The following SPIN1 variants were observed in gnomAD, a reference collection of about 807,000 sequenced individuals.
The protein encoded by SPIN1 is spindlin 1, also known as spindlin-1.
Under a neutral mutation model 26.0 loss-of-function variants are expected in SPIN1, and 3 were observed. The observed-to-expected ratio is 0.12, with a 90% CI of 0.05 to 0.30. The LOEUF (loss-of-function observed/expected upper bound fraction) is 0.30. SPIN1 is among the 10% of genes least tolerant of loss of function. SPIN1 has a pLI of 1.00. For synonymous variants in SPIN1, 101 were observed against 116.5 expected (o/e 0.87, Z 0.86); for missense variants, 126 against 333.4 (o/e 0.38, Z 4.84).
chr9:88,437,469 G>C (rs1828027716), intron 2 of SPIN1, among the ~76,000 whole-genome samples: 1 of 151,674 alleles, frequency 6.6e-6, no homozygotes, highest in Non-Finnish European at 1.5e-5. Context: ...CCACACTCCA[G>C]CCTGGGCAAC....
chr9:88,444,717 G>A (rs1587803265), intron 2 of SPIN1, among the ~76,000 whole-genome samples: 1 of 138,696 alleles, frequency 7.2e-6, no homozygotes, highest in East Asian at 2.1e-4. Flanking sequence ...TTGAGATGGA[G>A]TCTTGCTCTG....
At chr9:88,414,209 T>G (rs925915221) in intron 1 of SPIN1, among the ~76,000 whole-genome samples, 27 of 152,178 alleles carry the variant, frequency 1.8e-4, no homozygotes, top group African/African-American at 6.0e-4. Context: ...ATCAGCATGA[T>G]CCATTGAATC....
intron 2 of SPIN1, among the ~76,000 whole-genome samples, chr9:88,427,214 A>G (rs1325195193): frequency 6.6e-6 from 1 of 152,162 alleles, no homozygotes; most frequent in Non-Finnish European, 1.5e-5. Flanking sequence ...GAATGTTGAA[A>G]AAGAACATTT....
intron 2 of SPIN1, among the ~76,000 whole-genome samples, chr9:88,437,523 A>AACAAC (rs113590959): frequency 0.19 from 28,887 of 151,416 alleles, 3,645 homozygotes; most frequent in African/African-American, 0.36. Flanking sequence ...GAAGGAAAGA[A>AACAAC]ACAACAAAAT....
intron 2 of SPIN1, among the ~76,000 whole-genome samples, chr9:88,441,918 C>G (rs1212834174): frequency 6.9e-6 from 1 of 145,118 alleles, no homozygotes; most frequent in Non-Finnish European, 1.5e-5. Flanking sequence ...AATGTTTTTC[C>G]TTTATATAGA....
At chr9:88,402,273 GT>G (rs961332644) in intron 1 of SPIN1, among the ~76,000 whole-genome samples, 1 of 152,138 alleles carries the variant, frequency 6.6e-6, no homozygotes, top group African/African-American at 2.4e-5. Context: ...GATTGCAGGT[GT>G]GAACTACTGC....
intron 1 of SPIN1, among the ~76,000 whole-genome samples, chr9:88,395,221 A>C (rs1476655055): frequency 1.3e-5 from 2 of 151,950 alleles, no homozygotes; most frequent in Admixed American, 1.3e-4. Context: ...CTGTTCCTCC[A>C]CGAATTTCTC....
At chr9:88,450,493 ATGCGTTTTG>A (rs1187651354) in intron 3 of SPIN1, among the ~76,000 whole-genome samples, 1 of 152,170 alleles carries the variant, frequency 6.6e-6, no homozygotes, top group African/African-American at 2.4e-5. Flanking sequence ...TGTTATTATA[ATGCGTTTTG>A]TGCAATAAGA....
chr9:88,440,452 C>G (rs1202337725), intron 2 of SPIN1, among the ~76,000 whole-genome samples: 1 of 151,850 alleles, frequency 6.6e-6, no homozygotes, highest in Non-Finnish European at 1.5e-5. Context: ...AGCCCCGTGC[C>G]CAGCCAGTTA....
intron 1 of SPIN1, chr9:88,389,494 C>T (rs1007875197): frequency 1.2e-4 from 19 of 152,252 alleles, no homozygotes; most frequent in East Asian, 3.9e-4. Context: ...CATTTATTCT[C>T]TTTTTACTTA....
intron 1 of SPIN1, chr9:88,411,176 T>G: frequency 7.1e-7 from 1 of 1,405,438 alleles, no homozygotes. Context: ...ACCTGGTCTT[T>G]AAGAATCTTC....
chr9:88,466,436 G>T (rs1055769841), intron 4 of SPIN1, among the ~76,000 whole-genome samples: 2 of 152,164 alleles, frequency 1.3e-5, no homozygotes, highest in African/African-American at 4.8e-5. Flanking sequence ...GATTATAGAT[G>T]TGAGTCGCTG....
intron 2 of SPIN1, among the ~76,000 whole-genome samples, chr9:88,443,701 T>A (rs1828185967): frequency 6.6e-6 from 1 of 152,228 alleles, no homozygotes; most frequent in Non-Finnish European, 1.5e-5. Context: ...AGTGGTAACG[T>A]ATGCCGGGGA....
Position 88,426,523 on chromosome 9 carries a change from C to A in SPIN1, c.-17C>A. 2 of 1,610,912 alleles carry A rather than the reference C, an allele frequency of 1.2e-6. No homozygotes were observed. Among genetic ancestry groups the A allele is most frequent in the South Asian group, 2.2e-5 (2 of 90,532 alleles). On this transcript the variant is annotated 5_prime_UTR_variant, in exon 2 of 6. Coordinates refer to ENST00000375859, the MANE Select transcript of SPIN1 (RefSeq NM_006717.3). ...ACCCTAGTCCAGCAGCTCCGCTGCT[C>A]ACTTAAATACAGATGAATGAAGACC... is the stretch of plus-strand genomic sequence containing the variant.
intron 2 of SPIN1, among the ~76,000 whole-genome samples, chr9:88,445,437 G>C (rs899869356): frequency 6.6e-6 from 1 of 151,296 alleles, no homozygotes; most frequent in African/African-American, 2.4e-5. Context: ...TTGGCAGTCA[G>C]GCCTATCTCC....
At position 88,478,687 on chromosome 9, in the gene SPIN1, A is replaced by G. The variant is rs538421878; in HGVS notation, c.*3410A>G. 2.6e-5 allele frequency: 4 copies of G among 152,326 alleles called. No homozygotes were observed. The highest frequency in any genetic ancestry group is 5.9e-5 in the Non-Finnish European group (4 of 68,024). 9.4% of individuals were successfully genotyped at this position (152,326 alleles called of 1,614,324 possible). ...TTAAAACATTTAAAATAAACCCTTTATGTGCAACTCCTGACTGTAAAGTTT... is the reference window on the plus strand; with the variant it reads ...TTAAAACATTTAAAATAAACCCTTTGTGTGCAACTCCTGACTGTAAAGTTT... On this transcript the variant is annotated 3_prime_UTR_variant, in exon 6 of 6. Transcript: ENST00000375859.
At chr9:88,428,686 C>G (rs56406201) in intron 2 of SPIN1, among the ~76,000 whole-genome samples, 6,917 of 152,052 alleles carry the variant, frequency 0.045, 545 homozygotes, top group African/African-American at 0.16. Flanking sequence ...CTAACAAGTA[C>G]TTTGATCTTA....
chr9:88,441,503 A>T (rs1457116523), intron 2 of SPIN1, among the ~76,000 whole-genome samples: 1 of 151,098 alleles, frequency 6.6e-6, no homozygotes, highest in African/African-American at 2.5e-5. Flanking sequence ...CATGCCTATC[A>T]TCCCAGCATT....
intron 1 of SPIN1, among the ~76,000 whole-genome samples, chr9:88,401,092 T>C (rs1174983323): frequency 6.6e-6 from 1 of 152,198 alleles, no homozygotes; most frequent in East Asian, 1.9e-4. Context: ...TGTACTTTGC[T>C]AGGACCTTTT....
Sources: gnomAD v4.1 joint callset for allele counts (sites outside exome capture counted in the v4.1 genomes callset) on GRCh38, gnomAD v4.1.1 for gene constraint, MANE v1.5 for transcripts, NCBI Gene and HGNC (gene_info 2026-07-23, HGNC 2026-07-21) for gene names.